TASP1: variants seen among roughly 807,000 people sequenced by gnomAD.
TASP1 encodes the protein threonine aspartase 1.
In TASP1, 16 loss-of-function variants were observed where a neutral mutation model predicts 56.6. The ratio of observed to expected loss-of-function variants is 0.28; its 90% CI spans 0.19 to 0.43. The LOEUF (loss-of-function observed/expected upper bound fraction) is 0.43. Among genes scored for constraint, TASP1 ranks in the 20% least tolerant of loss-of-function variants. The probability of loss-of-function intolerance (pLI) is 1.00; values close to 1 mark genes in which losing one functional copy is unlikely to be tolerated. For synonymous variants in TASP1, 179 were observed against 184.2 expected (o/e 0.97, Z 0.23); for missense variants, 393 against 511.6 (o/e 0.77, Z 2.24).
the TASP1 span, among the ~76,000 whole-genome samples, chr20:13,244,765 C>A: frequency 0.27 from 40,806 of 152,080 alleles, 5,729 homozygotes; most frequent in African/African-American, 0.36. Flanking sequence ...TACCTATGCA[C>A]AAGTCAAAAG....
At chr20:13,287,174 T>C in the TASP1 span, among the ~76,000 whole-genome samples, 1 of 152,262 alleles carries the variant, frequency 6.6e-6, no homozygotes, top group Non-Finnish European at 1.5e-5. Flanking sequence ...GGGTAATTTA[T>C]AAAGGAAAGA....
chr20:13,162,222 C>T, the TASP1 span, among the ~76,000 whole-genome samples: 1 of 152,138 alleles, frequency 6.6e-6, no homozygotes, highest in Non-Finnish European at 1.5e-5. Flanking sequence ...AAGAGGGGAC[C>T]TTGCACAGAA....
chr20:13,340,754 CAT>C, the TASP1 span, among the ~76,000 whole-genome samples: 4 of 152,118 alleles, frequency 2.6e-5, no homozygotes, highest in Admixed American at 1.3e-4. Flanking sequence ...AGATCAAATA[CAT>C]GTCTTTTTGC....
intron 4 of TASP1, among the ~76,000 whole-genome samples, chr20:13,612,787 G>C (rs776874405): frequency 6.6e-6 from 1 of 151,894 alleles, no homozygotes; most frequent in Non-Finnish European, 1.5e-5. Context: ...AGATGGACAG[G>C]GTTTACGGAA....
At chr20:13,563,697 G>T (rs1315294667) in intron 7 of TASP1, among the ~76,000 whole-genome samples, 1 of 150,132 alleles carries the variant, frequency 6.7e-6, no homozygotes, top group Non-Finnish European at 1.5e-5. Context: ...CAGAGACAGG[G>T]CCTCACTATG....
At chr20:13,212,466 T>C in the TASP1 span, among the ~76,000 whole-genome samples, 19 of 152,262 alleles carry the variant, frequency 1.2e-4, no homozygotes, top group African/African-American at 4.6e-4. Flanking sequence ...TTTTCAATAT[T>C]ACCATGCCTG....
At chr20:13,206,085 T>A in the TASP1 span, among the ~76,000 whole-genome samples, 1 of 152,156 alleles carries the variant, frequency 6.6e-6, no homozygotes, top group Admixed American at 6.5e-5. Context: ...GTCCTTGGCA[T>A]CTATCCATAT....
rs912876147 is a variant in TASP1, at chr20:13,435,219, T to G, written c.986-65A>C. ...TACTTTTTAAATTTTCAATTTTCATTTGATTATTAGAACAAAAATGTGGCA... is the reference window on the plus strand; with the variant it reads ...TACTTTTTAAATTTTCAATTTTCATGTGATTATTAGAACAAAAATGTGGCA... On this transcript the variant is annotated intron_variant, in intron 11 of 13. Coordinates refer to ENST00000337743, the MANE Select transcript of TASP1 (RefSeq NM_017714.3). 6 of 1,236,830 alleles carry G rather than the reference T, an allele frequency of 4.9e-6. No individual in the cohort carries two copies. In the African/African-American group the frequency reaches 9.1e-5, roughly 19 times the overall value. The allele number at this position is 1,236,830 out of a possible 1,614,324, so 76.6% of individuals were successfully genotyped here.
At chr20:13,567,055 A>G (rs1224634805) in intron 7 of TASP1, among the ~76,000 whole-genome samples, 1 of 152,230 alleles carries the variant, frequency 6.6e-6, no homozygotes, top group African/African-American at 2.4e-5. Context: ...GACTGGATAA[A>G]GAAAATATGG....
In TASP1 at chr20:13,628,644, A is replaced by T. The variant is rs541345917; in HGVS notation, c.145+1290T>A. On this transcript the variant is annotated intron_variant, in intron 2 of 13. Transcript: ENST00000337743. ...GGACACCAGTCTCACAAGAAGAAAC[A>T]TTTCTACTCCTCATTCCATATCAAA... 3.3e-5 allele frequency among the ~76,000 whole-genome samples: 5 copies of T among 152,242 alleles called. No individual in the cohort carries two copies. In the East Asian group the frequency reaches 9.7e-4, roughly 29 times the overall value.
chr20:13,623,416 T>C (rs1244263476), intron 4 of TASP1, 30 bp downstream of exon 4: 3 of 1,577,558 alleles, frequency 1.9e-6, no homozygotes. Context: ...AACTCACAAA[T>C]ATTTTAAATA....
At chr20:13,405,338 T>C (rs2041876705) in intron 13 of TASP1, among the ~76,000 whole-genome samples, 1 of 152,244 alleles carries the variant, frequency 6.6e-6, no homozygotes, top group African/African-American at 2.4e-5. Context: ...CTGACCAAAA[T>C]ACATACATCA....
the TASP1 span, among the ~76,000 whole-genome samples, chr20:13,381,425 G>C: frequency 3.9e-5 from 6 of 152,152 alleles, no homozygotes; most frequent in African/African-American, 1.4e-4. Context: ...CAGTCCCAAT[G>C]AGATAAGCCA....
chr20:13,321,253 T>TTAAAAA, the TASP1 span, among the ~76,000 whole-genome samples: 4 of 57,516 alleles, frequency 7.0e-5, 1 homozygote, highest in African/African-American at 3.1e-4. Context: ...GTGCCCCACA[T>TTAAAAA]AAAAAAAAAA....
intron 4 of TASP1, among the ~76,000 whole-genome samples, chr20:13,600,002 A>G (rs1021072633): frequency 2.0e-5 from 3 of 152,198 alleles, no homozygotes; most frequent in Non-Finnish European, 2.9e-5. Flanking sequence ...GTAGTAATAA[A>G]CTATTGGAAA....
chr20:13,267,591 T>G, the TASP1 span, among the ~76,000 whole-genome samples: 2 of 152,154 alleles, frequency 1.3e-5, no homozygotes, highest in South Asian at 2.1e-4. Flanking sequence ...GGGGTTTGCT[T>G]GGTCTGGGGC....
At chr20:13,213,731 C>G in the TASP1 span, among the ~76,000 whole-genome samples, 4 of 152,298 alleles carry the variant, frequency 2.6e-5, no homozygotes, top group South Asian at 8.3e-4. Context: ...ATCTCCGTAT[C>G]TTGAAATAGA....
the TASP1 span, among the ~76,000 whole-genome samples, chr20:13,130,163 C>T: frequency 6.6e-6 from 1 of 152,216 alleles, no homozygotes; most frequent in African/African-American, 2.4e-5. Flanking sequence ...GCCTCATTTG[C>T]AACAATGGCT....
At chr20:13,586,497 G>T (rs1482109805) in intron 5 of TASP1, among the ~76,000 whole-genome samples, 1 of 152,154 alleles carries the variant, frequency 6.6e-6, no homozygotes, top group Non-Finnish European at 1.5e-5. Context: ...AAGTTAGCAT[G>T]AGGGAAGAGA....
Sources: gnomAD v4.1 joint callset for allele counts (sites outside exome capture counted in the v4.1 genomes callset) on GRCh38, gnomAD v4.1.1 for gene constraint, MANE v1.5 for transcripts, NCBI Gene and HGNC (gene_info 2026-07-23, HGNC 2026-07-21) for gene names.